TRAPPC9: variants seen among roughly 807,000 people sequenced by gnomAD.
TRAPPC9 encodes IKK2 binding protein.
In TRAPPC9, 83 loss-of-function variants were observed where a neutral mutation model predicts 124.0. That is an observed-to-expected ratio of 0.67 (90% CI 0.56 to 0.80). The LOEUF is 0.80. Among genes scored for constraint, TRAPPC9 ranks in the 30% least tolerant of loss-of-function variants. The pLI is 0.00. For synonymous variants in TRAPPC9, 638 were observed against 617.5 expected, an observed-to-expected ratio of 1.03 and a Z score of -0.49; for missense variants, 1,302 against 1,508.3, an observed-to-expected ratio of 0.86 and a Z score of 2.27.
intron 19 of TRAPPC9, among the ~76,000 whole-genome samples, chr8:139,963,642 G>A (rs1835488250): frequency 6.7e-6 from 1 of 149,408 alleles, no homozygotes; most frequent in Non-Finnish European, 1.5e-5. Context: ...TGAAAATTAA[G>A]CACACCTTCA....
chr8:140,292,132 C>A (rs900252400), intron 11 of TRAPPC9, among the ~76,000 whole-genome samples: 2 of 152,094 alleles, frequency 1.3e-5, no homozygotes, highest in African/African-American at 4.8e-5. Context: ...GTCCCAATTT[C>A]CATCACCCCC....
intron 20 of TRAPPC9, among the ~76,000 whole-genome samples, chr8:139,902,439 G>C (rs1831079827): frequency 6.6e-6 from 1 of 152,138 alleles, no homozygotes; most frequent in Non-Finnish European, 1.5e-5. Context: ...CCCTGCTACG[G>C]GAGATTAAAG....
chr8:140,056,317 G>C (rs980462618), intron 17 of TRAPPC9, among the ~76,000 whole-genome samples: 16 of 151,886 alleles, frequency 1.1e-4, no homozygotes, highest in Admixed American at 6.6e-5. Flanking sequence ...GGCTGAGGAG[G>C]AAGAATGGCT....
At position 140,190,104 on chromosome 8, in the gene TRAPPC9, C is replaced by T. The variant is rs969733352; in HGVS notation, c.2556+31355G>A. Among the ~76,000 whole-genome samples, 4 of 152,188 alleles carry T rather than the reference C, an allele frequency of 2.6e-5. No individual in the cohort carries two copies. The East Asian group carries it at 5.8e-4, about 22-fold the overall frequency. ...ACTGTCCTATACCAGGAGCTCTGGTCGGAAACCAGAAGTGAACAAGTTACT... is the reference window on the plus strand; with the variant it reads ...ACTGTCCTATACCAGGAGCTCTGGTTGGAAACCAGAAGTGAACAAGTTACT... On this transcript the variant is annotated intron_variant, in intron 17 of 22. Coordinates refer to ENST00000438773, the MANE Select transcript of TRAPPC9 (RefSeq NM_001160372.4).
At chr8:140,080,065 C>T (rs2129980201) in intron 17 of TRAPPC9, among the ~76,000 whole-genome samples, 1 of 152,270 alleles carries the variant, frequency 6.6e-6, no homozygotes, top group South Asian at 2.1e-4. Flanking sequence ...GAAATGACAC[C>T]TTGGAATTAA....
chr8:139,959,950 C>T (rs1835265444), intron 19 of TRAPPC9, among the ~76,000 whole-genome samples: 1 of 152,186 alleles, frequency 6.6e-6, no homozygotes, highest in Non-Finnish European at 1.5e-5. Context: ...AGAGCAAGGG[C>T]TGTGGGCGAT....
chr8:140,194,963 A>G (rs1186538518), intron 17 of TRAPPC9, among the ~76,000 whole-genome samples: 1 of 152,026 alleles, frequency 6.6e-6, no homozygotes, highest in Non-Finnish European at 1.5e-5. Flanking sequence ...CACTGTACAG[A>G]TCACACCTGT....
In TRAPPC9 at chr8:139,866,656, A is replaced by C. The variant is rs184618751; in HGVS notation, c.3055+19223T>G. Among the ~76,000 whole-genome samples the C allele has an allele frequency of 2.0e-3, 308 of 152,318 alleles. 2 individuals carry two copies. Among genetic ancestry groups the C allele is most frequent in the African/African-American group, 7.0e-3 (291 of 41,562 alleles). On this transcript the variant is annotated intron_variant, in intron 21 of 22. Transcript: ENST00000438773. Reference sequence around the variant, plus strand: ...CATGCTGAGGACATGAGGTACCAGTAAGGAAAAGGGACAAACCATAAGGAA... The same window carrying C: ...CATGCTGAGGACATGAGGTACCAGTCAGGAAAAGGGACAAACCATAAGGAA...
chr8:139,811,017 A>C lies in TRAPPC9; in HGVS notation c.3055+74862T>G, dbSNP rs114067442. 8.0e-3 allele frequency among the ~76,000 whole-genome samples: 1,226 copies of C among 152,332 alleles called. 13 individuals are homozygous for C. Among genetic ancestry groups the C allele is most frequent in the African/African-American group, 0.028 (1,151 of 41,568 alleles). ...CCACTTGAGGACCACCTTTAAAGTA[A>C]AAGAGACAAAGATAAATGAAGGGGA... On this transcript the variant is annotated intron_variant, in intron 21 of 22. Transcript: ENST00000438773.
chr8:140,152,150 C>G (rs1388541853), intron 17 of TRAPPC9, among the ~76,000 whole-genome samples: 2 of 150,570 alleles, frequency 1.3e-5, no homozygotes. Context: ...AGAAAAAAGC[C>G]TCGGACAGCA....
chr8:140,230,576 C>T (rs943491001), intron 16 of TRAPPC9, among the ~76,000 whole-genome samples: 1 of 151,714 alleles, frequency 6.6e-6, no homozygotes, highest in African/African-American at 2.4e-5. Context: ...CGGGCCACTG[C>T]ACTCCAGTCT....
intron 17 of TRAPPC9, among the ~76,000 whole-genome samples, chr8:140,134,204 C>A (rs1421669989): frequency 6.6e-6 from 1 of 152,112 alleles, no homozygotes; most frequent in African/African-American, 2.4e-5. Context: ...GACACACAGA[C>A]CAAGAGAATA....
At chr8:140,283,807 T>C in intron 14 of TRAPPC9, 82 bp downstream of exon 14, 1 of 1,468,786 alleles carries the variant, frequency 6.8e-7, no homozygotes, top group Non-Finnish European at 9.5e-7. Flanking sequence ...ACAGGCTCTT[T>C]GTGCCATTAA....
intron 7 of TRAPPC9, among the ~76,000 whole-genome samples, chr8:140,381,796 T>C (rs1200144298): frequency 6.6e-6 from 1 of 150,870 alleles, no homozygotes; most frequent in African/African-American, 2.4e-5. Flanking sequence ...CATCAAAAGA[T>C]GGACAATAAC....
At chr8:139,941,938 G>A (rs758096346) in intron 19 of TRAPPC9, among the ~76,000 whole-genome samples, 18 of 152,186 alleles carry the variant, frequency 1.2e-4, no homozygotes, top group Non-Finnish European at 2.6e-4. Flanking sequence ...CCTGCAGATC[G>A]GTGTGCAGGA....
intron 17 of TRAPPC9, among the ~76,000 whole-genome samples, chr8:140,136,696 G>A (rs982318963): frequency 6.6e-6 from 1 of 152,144 alleles, no homozygotes; most frequent in African/African-American, 2.4e-5. Context: ...AAAGTAGCTG[G>A]GCGTGATCGT....
At chr8:140,294,319 G>A (rs2065745939) in intron 11 of TRAPPC9, among the ~76,000 whole-genome samples, 1 of 152,032 alleles carries the variant, frequency 6.6e-6, no homozygotes. Flanking sequence ...CATGCTCCCA[G>A]CCCGCCTGAC....
chr8:140,229,964 A>C (rs1416786338), intron 16 of TRAPPC9, among the ~76,000 whole-genome samples: 1 of 152,204 alleles, frequency 6.6e-6, no homozygotes, highest in Non-Finnish European at 1.5e-5. Context: ...AAAATCTGAG[A>C]GTGAGATTTC....
intron 21 of TRAPPC9, among the ~76,000 whole-genome samples, chr8:139,861,270 C>T (rs1452261590): frequency 1.3e-5 from 2 of 152,226 alleles, no homozygotes; most frequent in South Asian, 2.1e-4. Flanking sequence ...GCCTCTACTG[C>T]TGTGTCATTC....
Sources: allele counts gnomAD v4.1 joint callset (sites outside exome capture counted in the v4.1 genomes callset), GRCh38; gene constraint gnomAD v4.1.1; transcripts MANE v1.5; gene names NCBI Gene and HGNC (gene_info 2026-07-23, HGNC 2026-07-21).